NECAB2: variants seen among roughly 807,000 people sequenced by gnomAD.
NECAB2 encodes N-terminal EF-hand calcium binding protein 2.
In NECAB2, 68 loss-of-function variants were observed where a neutral mutation model predicts 51.9. The ratio of observed to expected loss-of-function variants is 1.31; its 90% CI spans 1.08 to 1.60. The LOEUF (loss-of-function observed/expected upper bound fraction) is 1.60. Among genes scored for constraint, NECAB2 ranks in the 40% most tolerant of loss-of-function variants. NECAB2 has a pLI of 0.00. For missense variants in NECAB2, 854 were observed against 490.3 expected (o/e 1.74, Z -7.00); for synonymous variants, 329 against 203.5 (o/e 1.62, Z -5.25).
chr16:83,992,252 T>C (rs180794803), intron 6 of NECAB2, among the ~76,000 whole-genome samples: 16 of 152,114 alleles, frequency 1.1e-4, no homozygotes, highest in Middle Eastern at 3.4e-3. Flanking sequence ...CTTGGAACCA[T>C]GGGAATGCAT....
intron 10 of NECAB2, among the ~76,000 whole-genome samples, chr16:83,999,429 G>C (rs1460801320): frequency 1.3e-5 from 2 of 152,244 alleles, no homozygotes; most frequent in African/African-American, 4.8e-5. Context: ...AGAGGCTCTG[G>C]TTTGTCGAGT....
chr16:84,001,308 G>A (rs72793659), intron 11 of NECAB2, among the ~76,000 whole-genome samples: 8,379 of 151,904 alleles, frequency 0.055, 238 homozygotes, highest in East Asian at 0.11. Flanking sequence ...TTGCTGATGC[G>A]CCAGACCCCA....
intron 6 of NECAB2, chr16:83,993,619 GCTGTGTGTGT>G (rs2084654042): frequency 7.5e-6 from 1 of 133,258 alleles, no homozygotes; most frequent in Non-Finnish European, 1.6e-5. Context: ...TGCAAGGTGA[GCTGTGTGTGT>G]GTGTGTGTGT....
chr16:83,969,418 A>G (rs2084324748), intron 1 of NECAB2, among the ~76,000 whole-genome samples: 1 of 150,606 alleles, frequency 6.6e-6, no homozygotes, highest in Non-Finnish European at 1.5e-5. Flanking sequence ...TCTCCTTTCC[A>G]TTGAGCCAGA....
In NECAB2 at chr16:83,990,492, A is replaced by G. The variant is rs1350386812; in HGVS notation, c.460-2A>G. On this transcript the variant is annotated splice_acceptor_variant, in intron 5 of 12. Transcript: ENST00000305202. LOFTEE classifies it high-confidence loss of function. ...TCAGTGCCTCTTCTCTTCCTTCCAC[A>G]GGTATATGAGGGTGGGAGCAACGTG... The G allele has an allele frequency of 6.2e-7, 1 of 1,613,312 alleles. No individual in the cohort carries two copies. Among genetic ancestry groups the G allele is most frequent in the South Asian group, 1.1e-5 (1 of 91,044 alleles).
rs751486899 is a variant in NECAB2, at chr16:83,998,336, C to G, written c.962+19C>G. 1.2e-6 allele frequency: 2 copies of G among 1,609,256 alleles called. No individual in the cohort carries two copies. The highest frequency in any genetic ancestry group is 2.2e-5 in the East Asian group (1 of 44,848). On this transcript the variant is annotated intron_variant, in intron 10 of 12. Transcript: ENST00000305202. ...GCTTCCAGTGAGTGAGCTGCCGAGGCGTGGGTGGGATGGTGGCAGGGAGCT... is the reference window on the plus strand; with the variant it reads ...GCTTCCAGTGAGTGAGCTGCCGAGGGGTGGGTGGGATGGTGGCAGGGAGCT...
At chr16:83,999,313 G>A (rs1200882112) in intron 10 of NECAB2, among the ~76,000 whole-genome samples, 1 of 152,214 alleles carries the variant, frequency 6.6e-6, no homozygotes, top group African/African-American at 2.4e-5. Context: ...GACTGCACAG[G>A]AGCAGGGGCC....
At chr16:83,973,506 G>A (rs1310311332) in intron 2 of NECAB2, among the ~76,000 whole-genome samples, 1 of 152,204 alleles carries the variant, frequency 6.6e-6, no homozygotes, top group Non-Finnish European at 1.5e-5. Flanking sequence ...ACGGAGCAGA[G>A]GAGGAATAAG....
At chr16:83,988,202 A>G (rs893531024) in intron 5 of NECAB2, among the ~76,000 whole-genome samples, 2 of 151,924 alleles carry the variant, frequency 1.3e-5, no homozygotes, top group African/African-American at 4.8e-5. Flanking sequence ...CTTTTTTATT[A>G]TGATTGCTTT....
chr16:83,994,724 CA>C, intron 8 of NECAB2, 36 bp downstream of exon 8: 1 of 1,604,978 alleles, frequency 6.2e-7, no homozygotes, highest in Non-Finnish European at 8.5e-7. Context: ...CTACTCCTTC[CA>C]ACCCCTGAGG....
chr16:83,994,210 C>A, intron 6 of NECAB2, 92 bp from the exon 7 acceptor site: 1 of 1,161,832 alleles, frequency 8.6e-7, no homozygotes, highest in Non-Finnish European at 1.3e-6. Context: ...AGTCCACTGT[C>A]TTGCGTAATA....
chr16:83,987,258 C>T (rs16962407), intron 5 of NECAB2, among the ~76,000 whole-genome samples: 27,585 of 152,084 alleles, frequency 0.18, 4,252 homozygotes, highest in African/African-American at 0.42. Context: ...TAACAGTGCC[C>T]TTTGCGTCCT....
rs554595001 is a variant in NECAB2 at position 83,976,576 on chromosome 16, C to T, written c.227-1868C>T. On this transcript the variant is annotated intron_variant, in intron 2 of 12. Transcript: ENST00000305202. ...TTCACTTATCTCGTGGCTGACTTTG[C>T]GGACTTTTAGTTGTTAGGTTTTGGG... Among the ~76,000 whole-genome samples, 232 of 152,204 alleles carry T rather than the reference C, an allele frequency of 1.5e-3. 1 individual carries two copies. The highest frequency in any genetic ancestry group is 4.6e-3 in the South Asian group (22 of 4,814).
chr16:83,996,943 C>T (rs746928926), intron 8 of NECAB2, among the ~76,000 whole-genome samples: 13 of 151,890 alleles, frequency 8.6e-5, no homozygotes, highest in South Asian at 2.1e-4. Context: ...AGGGCTGTTG[C>T]TCATCATAGT....
chr16:83,999,100 C>G (rs554436830), intron 10 of NECAB2, among the ~76,000 whole-genome samples: 386 of 152,328 alleles, frequency 2.5e-3, no homozygotes, highest in Non-Finnish European at 4.3e-3. Context: ...AGGCCAGGTC[C>G]TAGCACAGGG....
At chr16:83,972,121 C>T (rs375859483) in intron 1 of NECAB2, 30 bp from the exon 2 acceptor site, 275 of 1,612,852 alleles carry the variant, frequency 1.7e-4, no homozygotes, top group Non-Finnish European at 2.2e-4. Context: ...CTCCCTGGCC[C>T]AGGGCTGACT....
intron 10 of NECAB2, among the ~76,000 whole-genome samples, chr16:83,998,687 G>A (rs557194517): frequency 2.0e-4 from 30 of 152,308 alleles, no homozygotes; most frequent in African/African-American, 6.3e-4. Context: ...CTGTCACAGG[G>A]GTTCCTGCAC....
intron 10 of NECAB2, among the ~76,000 whole-genome samples, chr16:84,000,024 T>C (rs996429889): frequency 6.6e-6 from 1 of 151,610 alleles, no homozygotes; most frequent in African/African-American, 2.4e-5. Context: ...ATCGCTGGGA[T>C]TACAGGGATG....
At chr16:83,995,582 T>G (rs928402247) in intron 8 of NECAB2, among the ~76,000 whole-genome samples, 4 of 152,208 alleles carry the variant, frequency 2.6e-5, no homozygotes, top group Non-Finnish European at 4.4e-5. Context: ...TATACCCACA[T>G]AAGCCAAGGT....
Sources: allele counts gnomAD v4.1 joint callset (sites outside exome capture counted in the v4.1 genomes callset), GRCh38; gene constraint gnomAD v4.1.1; transcripts MANE v1.5; gene names NCBI Gene and HGNC (gene_info 2026-07-23, HGNC 2026-07-21).